Variants in KDM4C observed in about 807,000 individuals in gnomAD.
The protein encoded by KDM4C is lysine demethylase 4C.
KDM4C carries 81 observed loss-of-function variants against 129.3 expected under a neutral mutation model. The observed-to-expected ratio is 0.63, with a 90% confidence interval of 0.52 to 0.75. KDM4C has a LOEUF of 0.75. Among genes scored for constraint, KDM4C ranks in the 30% least tolerant of loss-of-function variants. The pLI, the probability that KDM4C is intolerant of heterozygous loss-of-function variation, is 0.00. For missense variants in KDM4C, 1,457 were observed against 1,304.0 expected (o/e 1.12, Z -1.81); for synonymous variants, 573 against 456.1 (o/e 1.26, Z -3.26).
intron 8 of KDM4C, among the ~76,000 whole-genome samples, chr9:6,942,282 AGTGTGT>A (rs58676459): frequency 0.22 from 30,697 of 142,606 alleles, 3,938 homozygotes; most frequent in Middle Eastern, 0.39. Flanking sequence ...TAGCCCTCAA[AGTGTGT>A]GTGTGTGTGT....
At chr9:6,880,719 C>T (rs896906466) in intron 6 of KDM4C, among the ~76,000 whole-genome samples, 2 of 152,138 alleles carry the variant, frequency 1.3e-5, no homozygotes, top group Non-Finnish European at 2.9e-5. Context: ...TTTTCTGGAC[C>T]TCTATTGATG....
At chr9:6,755,262 T>C (rs1363676841), upstream of KDM4C, among the ~76,000 whole-genome samples, 1 of 152,020 alleles carries the variant, frequency 6.6e-6, no homozygotes, top group African/African-American at 2.4e-5. Context: ...TCCCAGCTAC[T>C]TGGGAGGCTG....
At chr9:7,104,833 A>G (rs554986078) in intron 18 of KDM4C, among the ~76,000 whole-genome samples, 1 of 152,322 alleles carries the variant, frequency 6.6e-6, no homozygotes, top group East Asian at 1.9e-4. Flanking sequence ...AGTCGTCAGC[A>G]TTGGCTTGTG....
chr9:7,125,157 C>T (rs942741011), intron 18 of KDM4C, among the ~76,000 whole-genome samples: 1 of 152,182 alleles, frequency 6.6e-6, no homozygotes, highest in African/African-American at 2.4e-5. Context: ...GGCCATTTCT[C>T]TAGTTTCTCC....
chr9:6,878,503 T>C (rs1260181244), intron 5 of KDM4C, among the ~76,000 whole-genome samples: 1 of 152,138 alleles, frequency 6.6e-6, no homozygotes, highest in Non-Finnish European at 1.5e-5. Flanking sequence ...TGAATTGGTA[T>C]GATTCAGATC....
intron 4 of KDM4C, among the ~76,000 whole-genome samples, chr9:6,819,883 C>A (rs1832726118): frequency 6.6e-6 from 1 of 152,146 alleles, no homozygotes; most frequent in South Asian, 2.1e-4. Flanking sequence ...GTACCAAGAA[C>A]TGGTTTCTCG....
chr9:6,861,791 CT>C (rs1840979311), intron 5 of KDM4C, among the ~76,000 whole-genome samples: 1 of 131,726 alleles, frequency 7.6e-6, no homozygotes, highest in Non-Finnish European at 1.7e-5. Flanking sequence ...TTTTTTTTTT[CT>C]CGAGATGGAG....
At chr9:6,883,063 G>C (rs1844725823) in intron 6 of KDM4C, among the ~76,000 whole-genome samples, 1 of 152,170 alleles carries the variant, frequency 6.6e-6, no homozygotes, top group Non-Finnish European at 1.5e-5. Context: ...AGGATTATGA[G>C]CCACTGCTGT....
intron 1 of KDM4C, among the ~76,000 whole-genome samples, chr9:6,739,633 A>AC (rs1429279404): frequency 1.4e-5 from 2 of 138,976 alleles, no homozygotes; most frequent in Non-Finnish European, 3.1e-5. Flanking sequence ...TGCAGGGTAG[A>AC]TTTTTTTTTT....
chr9:6,757,599 C>G, upstream of KDM4C: 1 of 982,270 alleles, frequency 1.0e-6, no homozygotes, highest in Non-Finnish European at 1.2e-6. Flanking sequence ...TTCCGAGGCT[C>G]CACCCCGGTA....
rs1394241525 is a variant in KDM4C at position 6,949,893 on chromosome 9, G to A, written c.922-31032G>A. On this transcript the variant is annotated intron_variant, in intron 8 of 21. Transcript: ENST00000381309. ...CATTTTTTTTGTTAATGAAGCCAAA[G>A]AATCAGAGATAAATTGATGTTCTTT... Among the ~76,000 whole-genome samples the A allele has an allele frequency of 5.3e-5, 8 of 152,166 alleles. No individual in the cohort carries two copies. The South Asian group carries it at 1.7e-3, about 32-fold the overall frequency.
chr9:6,721,521 C>T (rs1230283326), intron 1 of KDM4C, among the ~76,000 whole-genome samples: 14 of 150,760 alleles, frequency 9.3e-5, no homozygotes, highest in Admixed American at 4.6e-4. Flanking sequence ...TGGCCTTAAG[C>T]GACCTACCCG....
intron 8 of KDM4C, among the ~76,000 whole-genome samples, chr9:6,927,744 C>G (rs140373248): frequency 6.6e-6 from 1 of 152,288 alleles, no homozygotes; most frequent in African/African-American, 2.4e-5. Context: ...TCAGTTCCCA[C>G]CCTGTTAGCC....
At chr9:7,127,167 C>A (rs1415888781) in intron 18 of KDM4C, among the ~76,000 whole-genome samples, 7 of 152,088 alleles carry the variant, frequency 4.6e-5, no homozygotes, top group Non-Finnish European at 1.0e-4. Context: ...TCAGCATACA[C>A]CACCATTGCA....
chr9:7,103,246 A>G (rs1164719138), intron 17 of KDM4C, among the ~76,000 whole-genome samples: 14 of 152,170 alleles, frequency 9.2e-5, no homozygotes, highest in Admixed American at 9.2e-4. Flanking sequence ...TGAAGACCAC[A>G]TCTAATTTAG....
Position 6,732,486 on chromosome 9 carries a change from A to G in KDM4C, c.49+11489A>G, listed in dbSNP as rs187047791. Among the ~76,000 whole-genome samples the G allele has an allele frequency of 1.5e-3, 224 of 150,268 alleles. 2 individuals are homozygous for G. The highest frequency in any genetic ancestry group is 5.3e-3 in the African/African-American group (217 of 41,090). ...CGAGGTGGGTGGATCACCTGAGGTCAGGAGTTGGAAACCAGCCTCCCAAAG... is the reference window on the plus strand; with the variant it reads ...CGAGGTGGGTGGATCACCTGAGGTCGGGAGTTGGAAACCAGCCTCCCAAAG... On this transcript the variant is annotated intron_variant, in intron 1 of 17. Coordinates refer to the KDM4C transcript ENST00000536108.
intron 8 of KDM4C, among the ~76,000 whole-genome samples, chr9:6,895,269 G>A (rs1181283475): frequency 6.6e-6 from 1 of 152,186 alleles, no homozygotes; most frequent in Non-Finnish European, 1.5e-5. Context: ...CAAGATGTTT[G>A]CAGGATTGCA....
chr9:6,970,735 G>C (rs550082418), intron 8 of KDM4C, among the ~76,000 whole-genome samples: 1 of 152,294 alleles, frequency 6.6e-6, no homozygotes, highest in South Asian at 2.1e-4. Context: ...GAAGGAGAAA[G>C]TATGAGCAGA....
chr9:6,951,830 G>A (rs1340904576), intron 8 of KDM4C, among the ~76,000 whole-genome samples: 1 of 152,138 alleles, frequency 6.6e-6, no homozygotes, highest in Admixed American at 6.5e-5. Flanking sequence ...TATGTGAATT[G>A]GGTATGAAGT....
Sources: gnomAD v4.1 joint callset for allele counts (sites outside exome capture counted in the v4.1 genomes callset) on GRCh38, gnomAD v4.1.1 for gene constraint, MANE v1.5 for transcripts, NCBI Gene and HGNC (gene_info 2026-07-23, HGNC 2026-07-21) for gene names.